Variants in ADGRV1 observed in about 807,000 individuals in gnomAD.
The protein encoded by ADGRV1 is adhesion G protein-coupled receptor V1, also known as G-protein coupled receptor 98.
Under a neutral mutation model 596.2 loss-of-function variants are expected in ADGRV1, and 359 were observed. That is an observed-to-expected ratio of 0.60 (90% CI 0.55 to 0.66). The LOEUF (loss-of-function observed/expected upper bound fraction) is 0.66, where lower values mean the gene tolerates loss of function less well. Among genes scored for constraint, ADGRV1 ranks in the 30% least tolerant of loss-of-function variants. ADGRV1 has a pLI of 0.00. For missense variants in ADGRV1, 7,274 were observed against 7,575.6 expected (o/e 0.96, Z 1.48); for synonymous variants, 2,681 against 2,679.2 (o/e 1.00, Z -0.02).
intron 21 of ADGRV1, among the ~76,000 whole-genome samples, chr5:90,672,307 CATT>C (rs1303533995): frequency 6.6e-6 from 1 of 152,162 alleles, no homozygotes; most frequent in Non-Finnish European, 1.5e-5. Context: ...GCAGTTAAGA[CATT>C]ATAATTCTTT....
intron 8 of ADGRV1, 159 bp downstream of exon 8, chr5:90,628,991 A>G: frequency 1.4e-6 from 1 of 738,290 alleles, no homozygotes; most frequent in East Asian, 2.8e-5. Context: ...CCTTCTGAAA[A>G]TAAATATTTT....
At chr5:91,002,319 G>A (rs992760682) in intron 85 of ADGRV1, among the ~76,000 whole-genome samples, 2 of 151,988 alleles carry the variant, frequency 1.3e-5, no homozygotes, top group African/African-American at 4.8e-5. Context: ...CATAATAATC[G>A]TGTTTTTTAA....
chr5:90,583,944 C>T (rs1180806491), intron 1 of ADGRV1, among the ~76,000 whole-genome samples: 2 of 152,054 alleles, frequency 1.3e-5, no homozygotes, highest in South Asian at 2.1e-4. Context: ...AGTAAGATTT[C>T]TTTGTTAATA....
rs926660589 is a variant in ADGRV1, at chr5:90,985,896, G to A, written c.18152+374G>A. Among the ~76,000 whole-genome samples, 3 of 151,914 alleles carry A rather than the reference G, an allele frequency of 2.0e-5. No individual in the cohort carries two copies. The South Asian group carries it at 6.2e-4, about 32-fold the overall frequency. On this transcript the variant is annotated intron_variant, in intron 85 of 89. Coordinates refer to ENST00000405460, the MANE Select transcript of ADGRV1 (RefSeq NM_032119.4). ...TAAGCAGTGTGTTTTTGGTGAGGGT[G>A]GGGGATGGCAGCCACCATCACCCAT...
chr5:91,134,190 CT>C (rs765170987), intron 87 of ADGRV1, among the ~76,000 whole-genome samples: 754 of 141,700 alleles, frequency 5.3e-3, no homozygotes, highest in South Asian at 5.4e-3. Context: ...CTGTTTCTTT[CT>C]TTTTTTTTTT....
intron 85 of ADGRV1, among the ~76,000 whole-genome samples, chr5:91,013,268 G>T (rs1017973422): frequency 6.6e-6 from 1 of 151,978 alleles, no homozygotes; most frequent in African/African-American, 2.4e-5. Flanking sequence ...TCTGCTTTTA[G>T]CTCTTTGAGG....
At chr5:90,916,327 A>T (rs1446362046) in intron 83 of ADGRV1, among the ~76,000 whole-genome samples, 1 of 152,174 alleles carries the variant, frequency 6.6e-6, no homozygotes. Context: ...ATATATGAAG[A>T]TATTTTTTAA....
intron 58 of ADGRV1, among the ~76,000 whole-genome samples, chr5:90,760,275 CAAA>C (rs5869517): frequency 5.2e-5 from 4 of 77,558 alleles, no homozygotes; most frequent in Non-Finnish European, 7.7e-5. Flanking sequence ...GACTTCGTCT[CAAA>C]AAAAAAAAAA....
chr5:90,818,787 C>G (rs2150271563), intron 75 of ADGRV1, among the ~76,000 whole-genome samples: 1 of 151,706 alleles, frequency 6.6e-6, no homozygotes, highest in African/African-American at 2.4e-5. Flanking sequence ...GGTGGATAAG[C>G]TTTTTGATGT....
At chr5:90,627,827 A>G in intron 7 of ADGRV1, 51 bp downstream of exon 7, 1 of 1,211,506 alleles carries the variant, frequency 8.3e-7, no homozygotes, top group Non-Finnish European at 1.1e-6. Flanking sequence ...ATATTATTCC[A>G]GATTTAAGTT....
intron 4 of ADGRV1, among the ~76,000 whole-genome samples, chr5:90,620,335 A>G (rs1245440496): frequency 1.3e-5 from 2 of 152,138 alleles, no homozygotes; most frequent in African/African-American, 2.4e-5. Flanking sequence ...TTTGATTTGC[A>G]TTTCTCTGAT....
chr5:90,685,428 A>G (rs1317247689), intron 28 of ADGRV1, among the ~76,000 whole-genome samples: 3 of 151,952 alleles, frequency 2.0e-5, no homozygotes, highest in Non-Finnish European at 4.4e-5. Flanking sequence ...ACTAAAATAT[A>G]AAAGAAATTA....
chr5:91,144,946 A>G (rs1795407433), intron 87 of ADGRV1, among the ~76,000 whole-genome samples: 2 of 152,358 alleles, frequency 1.3e-5, no homozygotes, highest in South Asian at 4.1e-4. Context: ...GGCATACAAA[A>G]GGGAGCCTGA....
chr5:90,780,322 G>A (rs1032432579), intron 64 of ADGRV1, among the ~76,000 whole-genome samples: 1 of 151,984 alleles, frequency 6.6e-6, no homozygotes, highest in Non-Finnish European at 1.5e-5. Flanking sequence ...TCAGACTACT[G>A]GTAACAGTTA....
At chr5:90,985,186 T>C (rs1282913452) in intron 84 of ADGRV1, among the ~76,000 whole-genome samples, 158 bp from the exon 85 acceptor site, 1 of 152,212 alleles carries the variant, frequency 6.6e-6, no homozygotes, top group Non-Finnish European at 1.5e-5. Context: ...GAAATTGTTA[T>C]GAAAGAATGA....
intron 83 of ADGRV1, among the ~76,000 whole-genome samples, chr5:90,942,436 T>A (rs1776238608): frequency 6.6e-6 from 1 of 152,146 alleles, no homozygotes; most frequent in Admixed American, 6.5e-5. Flanking sequence ...ATGAAATAGT[T>A]ATGGAAGATT....
intron 10 of ADGRV1, 22 bp from the exon 11 acceptor site, chr5:90,637,703 T>C: frequency 1.3e-6 from 2 of 1,500,756 alleles, no homozygotes; most frequent in Non-Finnish European, 1.8e-6. Flanking sequence ...AAGAAATTGT[T>C]CTGTTCTTTT....
intron 85 of ADGRV1, among the ~76,000 whole-genome samples, chr5:91,015,319 G>T (rs944077154): frequency 2.8e-4 from 42 of 152,030 alleles, no homozygotes; most frequent in Non-Finnish European, 2.2e-4. Flanking sequence ...AGATTTTAAA[G>T]TATGTGCCAT....
chr5:91,088,051 G>A lies in ADGRV1; in HGVS notation c.18311-14168G>A, dbSNP rs115355366. 5.3e-3 allele frequency among the ~76,000 whole-genome samples: 802 copies of A among 152,180 alleles called. 6 individuals are homozygous for A. Among genetic ancestry groups the A allele is most frequent in the African/African-American group, 0.018 (762 of 41,512 alleles). Reference sequence around the variant, plus strand: ...TTAAATTTTATCATAAATAGCCTTCGAGAAGGCAAATAATGTGATTTACAA... The same window carrying A: ...TTAAATTTTATCATAAATAGCCTTCAAGAAGGCAAATAATGTGATTTACAA... On this transcript the variant is annotated intron_variant, in intron 86 of 89. Transcript: ENST00000405460.
Sources: allele counts gnomAD v4.1 joint callset (sites outside exome capture counted in the v4.1 genomes callset), GRCh38; gene constraint gnomAD v4.1.1; transcripts MANE v1.5; gene names NCBI Gene and HGNC (gene_info 2026-07-23, HGNC 2026-07-21).